TOX: variants seen among roughly 807,000 people sequenced by gnomAD.
TOX encodes the protein thymocyte selection-associated high mobility group box protein TOX.
Under a neutral mutation model 53.7 loss-of-function variants are expected in TOX, and 11 were observed. The observed-to-expected ratio is 0.20, with a 90% CI of 0.13 to 0.34. The LOEUF (loss-of-function observed/expected upper bound fraction) is 0.34. Ranked by LOEUF, TOX falls within the 10% of genes least tolerant of loss-of-function variation. TOX has a pLI of 1.00. For synonymous variants in TOX, 225 were observed against 245.3 expected (o/e 0.92, Z 0.77); for missense variants, 570 against 664.6 (o/e 0.86, Z 1.56).
intron 1 of TOX, among the ~76,000 whole-genome samples, chr8:59,051,281 T>A (rs1196917268): frequency 1.3e-5 from 2 of 152,142 alleles, no homozygotes; most frequent in Non-Finnish European, 2.9e-5. Context: ...ACTGTGTAGG[T>A]AAAAGCAGTA....
chr8:59,033,463 C>T (rs1814396069), intron 1 of TOX, among the ~76,000 whole-genome samples: 1 of 152,170 alleles, frequency 6.6e-6, no homozygotes, highest in Non-Finnish European at 1.5e-5. Flanking sequence ...TGGATGGTTG[C>T]ACAACAGTGT....
chr8:59,001,967 T>C (rs2129418161), intron 1 of TOX, among the ~76,000 whole-genome samples: 1 of 139,942 alleles, frequency 7.1e-6, no homozygotes, highest in East Asian at 2.1e-4. Flanking sequence ...AATACAGAAG[T>C]ACTTTTTTTT....
intron 1 of TOX, among the ~76,000 whole-genome samples, chr8:59,015,875 T>C (rs1325319300): frequency 6.6e-6 from 1 of 152,188 alleles, no homozygotes; most frequent in Non-Finnish European, 1.5e-5. Context: ...TGGTTAGTCA[T>C]TTGAGATGTT....
chr8:58,807,596 C>A lies in TOX; in HGVS notation c.*151G>T. ...AATAAAGAAGCATGACTATTTCTTC[C>A]AGAGTGGGTGACCCACAAGCTCAAA... On this transcript the variant is annotated 3_prime_UTR_variant, in exon 9 of 9. Transcript: ENST00000361421. 1 of 703,200 alleles carries A rather than the reference C, an allele frequency of 1.4e-6. No homozygotes were observed. Among genetic ancestry groups the A allele is most frequent in the Non-Finnish European group, 2.4e-6 (1 of 423,054 alleles). The allele number at this position is 703,200 out of a possible 1,614,324, so 43.6% of individuals were successfully genotyped here. A position where few individuals can be genotyped will look rare whatever the true frequency, so the allele number is the denominator to read the frequency against.
intron 4 of TOX, among the ~76,000 whole-genome samples, chr8:58,846,819 G>T (rs1322718879): frequency 6.6e-6 from 1 of 152,136 alleles, no homozygotes; most frequent in African/African-American, 2.4e-5. Flanking sequence ...GATGTGTAAT[G>T]GGAGTGGTCC....
chr8:58,844,287 A>G (rs1288023880), intron 4 of TOX, among the ~76,000 whole-genome samples: 1 of 152,184 alleles, frequency 6.6e-6, no homozygotes. Context: ...GAATTTCTAA[A>G]TTTAATTTTA....
chr8:58,904,578 A>G (rs979113959), intron 3 of TOX, among the ~76,000 whole-genome samples: 6 of 152,158 alleles, frequency 3.9e-5, no homozygotes, highest in Admixed American at 2.0e-4. Flanking sequence ...GTATTCCTGA[A>G]TGGCTCAGAG....
chr8:59,002,819 A>T (rs537299096), intron 1 of TOX, among the ~76,000 whole-genome samples: 1 of 152,348 alleles, frequency 6.6e-6, no homozygotes, highest in East Asian at 1.9e-4. Flanking sequence ...ACGTTAAAGC[A>T]GTTTAGTTAC....
chr8:58,976,334 T>C (rs1813099753), intron 1 of TOX, among the ~76,000 whole-genome samples: 1 of 152,268 alleles, frequency 6.6e-6, no homozygotes. Flanking sequence ...CTTATCCATA[T>C]GAAGACTCCT....
rs188694891 is a variant in TOX, at chr8:58,908,503, A to G, written c.411+30799T>C. Among the ~76,000 whole-genome samples, 14 of 152,242 alleles carry G rather than the reference A, an allele frequency of 9.2e-5. No individual in the cohort carries two copies. The East Asian group carries it at 2.5e-3, about 27-fold the overall frequency. On this transcript the variant is annotated intron_variant, in intron 3 of 8. Transcript: ENST00000361421. Reference sequence around the variant, plus strand: ...TGTTTCTCTGGGTTTTACTCTTCCAAATTCTACAAACCTCAGATTTGAAAG... The same window carrying G: ...TGTTTCTCTGGGTTTTACTCTTCCAGATTCTACAAACCTCAGATTTGAAAG...
chr8:58,994,510 A>G lies in TOX; in HGVS notation c.103-34502T>C, dbSNP rs535508493. 2.0e-5 allele frequency among the ~76,000 whole-genome samples: 3 copies of G among 152,050 alleles called. No homozygotes were observed. The South Asian group carries it at 6.2e-4, about 32-fold the overall frequency. ...GAAACTCCAAGTCCATGAGGTAGAA[A>G]GTTCTACTGTCCAGAATGCTAAATT... On this transcript the variant is annotated intron_variant, in intron 1 of 8. Transcript: ENST00000361421.
chr8:59,074,769 A>G (rs1391082741), intron 1 of TOX, among the ~76,000 whole-genome samples: 3 of 152,156 alleles, frequency 2.0e-5, no homozygotes, highest in Non-Finnish European at 4.4e-5. Context: ...GCATTAAAGG[A>G]GCGACAGCAG....
chr8:58,990,354 A>G (rs759203292), intron 1 of TOX, among the ~76,000 whole-genome samples: 2 of 152,038 alleles, frequency 1.3e-5, no homozygotes, highest in Non-Finnish European at 1.5e-5. Context: ...ATAGCATGAA[A>G]TACTCTAATA....
At chr8:59,033,624 C>T (rs897967216) in intron 1 of TOX, among the ~76,000 whole-genome samples, 3 of 152,160 alleles carry the variant, frequency 2.0e-5, no homozygotes, top group Admixed American at 1.3e-4. Context: ...TTATTCCAGA[C>T]ATAAATGTAA....
intron 3 of TOX, among the ~76,000 whole-genome samples, chr8:58,858,033 G>C (rs540669891): frequency 6.6e-6 from 1 of 152,134 alleles, no homozygotes; most frequent in African/African-American, 2.4e-5. Context: ...GCCTCCCAAA[G>C]TGTTGGGATT....
At chr8:58,889,653 T>G (rs1407139586) in intron 3 of TOX, among the ~76,000 whole-genome samples, 3 of 152,166 alleles carry the variant, frequency 2.0e-5, no homozygotes, top group Admixed American at 2.0e-4. Context: ...CAGTAATAGA[T>G]GGACCTCCCG....
At chr8:58,841,762 C>T (rs1451082306) in intron 4 of TOX, among the ~76,000 whole-genome samples, 1 of 152,146 alleles carries the variant, frequency 6.6e-6, no homozygotes, top group Non-Finnish European at 1.5e-5. Context: ...TCACATTGTA[C>T]ACTTTAAATA....
chr8:58,818,772 C>T (rs1810223063), intron 6 of TOX, among the ~76,000 whole-genome samples: 2 of 152,140 alleles, frequency 1.3e-5, no homozygotes. Context: ...CTCTTCTCTG[C>T]TCTCGGCAGG....
chr8:58,832,614 A>G (rs1810480726), intron 5 of TOX, among the ~76,000 whole-genome samples: 1 of 152,168 alleles, frequency 6.6e-6, no homozygotes, highest in Non-Finnish European at 1.5e-5. Context: ...GCTGCCTCAT[A>G]AGTATAATTC....
Sources: gnomAD v4.1 joint callset for allele counts (sites outside exome capture counted in the v4.1 genomes callset) on GRCh38, gnomAD v4.1.1 for gene constraint, MANE v1.5 for transcripts, NCBI Gene and HGNC (gene_info 2026-07-23, HGNC 2026-07-21) for gene names.